LHFPL2: variants seen among roughly 807,000 people sequenced by gnomAD.
LHFPL2 encodes the protein LHFPL tetraspan subfamily member 2 protein.
In LHFPL2, 7 loss-of-function variants were observed where a neutral mutation model predicts 17.5. The ratio of observed to expected loss-of-function variants is 0.40; its 90% confidence interval spans 0.23 to 0.75. LHFPL2 has a LOEUF of 0.75. Among genes scored for constraint, LHFPL2 ranks in the 30% least tolerant of loss-of-function variants. The probability of loss-of-function intolerance (pLI) is 0.37; values close to 1 mark genes in which losing one functional copy is unlikely to be tolerated. For synonymous variants in LHFPL2, 134 were observed against 116.2 expected (o/e 1.15, Z -0.99); for missense variants, 241 against 294.8 (o/e 0.82, Z 1.34).
chr5:78,498,902 C>T (rs902481892), intron 4 of LHFPL2, among the ~76,000 whole-genome samples: 1 of 152,220 alleles, frequency 6.6e-6, no homozygotes, highest in Non-Finnish European at 1.5e-5. Context: ...AGCACTGGTT[C>T]CAAGACAGAC....
At chr5:78,560,391 C>G (rs1017714711) in intron 3 of LHFPL2, among the ~76,000 whole-genome samples, 1 of 152,218 alleles carries the variant, frequency 6.6e-6, no homozygotes, top group Non-Finnish European at 1.5e-5. Context: ...GGTAAGAAGA[C>G]AGTGCTGAAT....
rs201676057 is a variant in LHFPL2 at position 78,528,801 on chromosome 5, AAT to A, written c.-185-18405_-185-18404del. On this transcript the variant is annotated intron_variant, in intron 3 of 4. Coordinates refer to ENST00000380345, the MANE Select transcript of LHFPL2 (RefSeq NM_005779.3). Reference sequence around the variant, plus strand: ...CAATGGCCATTTAAGTGTATCAATAAATATAGAGCATTCCCTTCAACACCCAA... The same window carrying A: ...CAATGGCCATTTAAGTGTATCAATAAATAGAGCATTCCCTTCAACACCCAA... 6.2e-4 allele frequency among the ~76,000 whole-genome samples: 94 copies of A among 152,330 alleles called. 3 individuals are homozygous for A. The East Asian group carries it at 0.014, about 22-fold the overall frequency.
intron 2 of LHFPL2, among the ~76,000 whole-genome samples, chr5:78,597,520 G>A (rs1209254488): frequency 6.6e-6 from 1 of 152,230 alleles, no homozygotes; most frequent in African/African-American, 2.4e-5. Context: ...CATGACGTAA[G>A]AGTTTGTGTG....
At chr5:78,497,028 T>A (rs1754628721) in intron 4 of LHFPL2, among the ~76,000 whole-genome samples, 1 of 152,264 alleles carries the variant, frequency 6.6e-6, no homozygotes, top group South Asian at 2.1e-4. Context: ...TTGAAAATTA[T>A]GTCCAAACCA....
chr5:78,641,487 C>A (rs1220026600), intron 1 of LHFPL2, among the ~76,000 whole-genome samples: 1 of 152,104 alleles, frequency 6.6e-6, no homozygotes, highest in African/African-American at 2.4e-5. Context: ...GGTTTCCTTG[C>A]TTATTTTTTT....
chr5:78,531,745 G>A (rs551073690), intron 3 of LHFPL2, among the ~76,000 whole-genome samples: 18 of 152,226 alleles, frequency 1.2e-4, no homozygotes, highest in Non-Finnish European at 2.2e-4. Flanking sequence ...TTCTGTGAAA[G>A]CTCTTAAAAG....
At position 78,648,155 on chromosome 5, in the gene LHFPL2, C is replaced by A. The variant is rs1351489266; in HGVS notation, c.-350+344G>T. 6.6e-6 allele frequency among the ~76,000 whole-genome samples: 1 copy of A among 152,174 alleles called. No individual in the cohort carries two copies. Among genetic ancestry groups the A allele is most frequent in the Non-Finnish European group, 1.5e-5 (1 of 68,020 alleles). The stretch of plus-strand genomic sequence containing the variant: ...GCGCCTGGGACCCACGCGCCGCCGT[C>A]CGAAGCCCGCCAGCGACGCCCAGAG... On this transcript the variant is annotated intron_variant, in intron 1 of 4. Coordinates refer to ENST00000380345, the MANE Select transcript of LHFPL2 (RefSeq NM_005779.3). This position sits in a 1 kb window ranked among gnomAD's most constrained non-coding sequence, Gnocchi z 5.4.
At chr5:78,551,336 T>A (rs1477970003) in intron 3 of LHFPL2, among the ~76,000 whole-genome samples, 1 of 152,214 alleles carries the variant, frequency 6.6e-6, no homozygotes, top group African/African-American at 2.4e-5. Context: ...TTTTTGAGAA[T>A]GGCTGAACGT....
chr5:78,598,909 T>C (rs1170636216), intron 2 of LHFPL2, among the ~76,000 whole-genome samples: 3 of 152,240 alleles, frequency 2.0e-5, no homozygotes, highest in Non-Finnish European at 4.4e-5. Context: ...AGATATATTA[T>C]CTTGTTTTCA....
At chr5:78,578,948 T>C (rs1055040850) in intron 2 of LHFPL2, among the ~76,000 whole-genome samples, 1 of 152,194 alleles carries the variant, frequency 6.6e-6, no homozygotes, top group African/African-American at 2.4e-5. Flanking sequence ...TCCCTGCTCC[T>C]AGAAGTTACA....
intron 2 of LHFPL2, among the ~76,000 whole-genome samples, chr5:78,619,455 T>C (rs939118573): frequency 4.6e-5 from 7 of 151,562 alleles, no homozygotes; most frequent in Admixed American, 1.3e-4. Context: ...GAGTTTACAG[T>C]TTACACTCGC....
chr5:78,617,024 T>C (rs765580205), intron 2 of LHFPL2, among the ~76,000 whole-genome samples: 15 of 152,092 alleles, frequency 9.9e-5, no homozygotes, highest in Non-Finnish European at 2.1e-4. Flanking sequence ...CTAGAGTTTC[T>C]CTTTTTTTTT....
At position 78,486,069 on chromosome 5, in the gene LHFPL2, T is replaced by C. The variant is rs968143394; in HGVS notation, c.*2828A>G. The C allele has an allele frequency of 3.3e-5, 5 of 152,600 alleles. No individual in the cohort carries two copies. The highest frequency in any genetic ancestry group is 5.9e-5 in the Non-Finnish European group (4 of 68,032). 9.5% of individuals were successfully genotyped at this position (152,600 alleles called of 1,614,324 possible). A position where few individuals can be genotyped will look rare whatever the true frequency, so the allele number is the denominator to read the frequency against. On this transcript the variant is annotated 3_prime_UTR_variant, in exon 5 of 5. Coordinates refer to ENST00000380345, the MANE Select transcript of LHFPL2 (RefSeq NM_005779.3). Reference sequence around the variant, plus strand: ...GTTATTGCACATCTTTCACACAAACTTGTGTATGTATAATATACATATATA... The same window carrying C: ...GTTATTGCACATCTTTCACACAAACCTGTGTATGTATAATATACATATATA...
intron 3 of LHFPL2, among the ~76,000 whole-genome samples, chr5:78,538,881 T>C (rs1307128617): frequency 2.6e-5 from 4 of 152,196 alleles, no homozygotes; most frequent in Non-Finnish European, 5.9e-5. Context: ...TCCAGTGACC[T>C]AGCACCAACC....
At chr5:78,585,641 C>G (rs1470899493) in intron 2 of LHFPL2, among the ~76,000 whole-genome samples, 1 of 152,184 alleles carries the variant, frequency 6.6e-6, no homozygotes, top group African/African-American at 2.4e-5. Context: ...CTCCCGCTCT[C>G]AAGGTTTTAG....
rs114433419 is a variant in LHFPL2 at position 78,538,566 on chromosome 5, T to C, written c.-186+26247A>G. 5.9e-3 allele frequency among the ~76,000 whole-genome samples: 906 copies of C among 152,290 alleles called. 10 individuals carry two copies. The highest frequency in any genetic ancestry group is 0.021 in the African/African-American group (871 of 41,562). Reference sequence around the variant, plus strand: ...CTTCATATTGCCTCACACCATCCTGTCTTACTCATTCCTGCTATCTACCTG... The same window carrying C: ...CTTCATATTGCCTCACACCATCCTGCCTTACTCATTCCTGCTATCTACCTG... On this transcript the variant is annotated intron_variant, in intron 3 of 4. Coordinates refer to ENST00000380345, the MANE Select transcript of LHFPL2 (RefSeq NM_005779.3).
At chr5:78,583,578 A>C (rs1303201057) in intron 2 of LHFPL2, among the ~76,000 whole-genome samples, 2 of 151,508 alleles carry the variant, frequency 1.3e-5, no homozygotes, top group African/African-American at 4.8e-5. Context: ...CTGGGTTGAA[A>C]ATTCTTTTCT....
Position 78,584,137 on chromosome 5 carries a change from C to A in LHFPL2, c.-244-19266G>T, listed in dbSNP as rs531587394. Reference sequence around the variant, plus strand: ...GAGCCTTGGTTTTCAGCTCCATCAGCTCCTTTAAGCACTTCTCTGTATTGG... The same window carrying A: ...GAGCCTTGGTTTTCAGCTCCATCAGATCCTTTAAGCACTTCTCTGTATTGG... On this transcript the variant is annotated intron_variant, in intron 2 of 4. Coordinates refer to ENST00000380345, the MANE Select transcript of LHFPL2 (RefSeq NM_005779.3). Among the ~76,000 whole-genome samples the A allele has an allele frequency of 3.4e-3, 505 of 150,054 alleles. 4 individuals carry two copies. The highest frequency in any genetic ancestry group is 0.012 in the African/African-American group (489 of 41,242).
chr5:78,581,794 G>A (rs548124779), intron 2 of LHFPL2, among the ~76,000 whole-genome samples: 1 of 152,316 alleles, frequency 6.6e-6, no homozygotes, highest in South Asian at 2.1e-4. Context: ...TCAGGATGAT[G>A]CTGGCCTCAT....
Sources: gnomAD v4.1 joint callset for allele counts (sites outside exome capture counted in the v4.1 genomes callset) on GRCh38, gnomAD v4.1.1 for gene constraint, Gnocchi (gnomAD v3.1) non-coding constraint, MANE v1.5 for transcripts, NCBI Gene and HGNC (gene_info 2026-07-23, HGNC 2026-07-21) for gene names.